Variants in LMF1 observed in about 807,000 individuals in gnomAD.
The protein encoded by LMF1 is lipase maturation factor 1, also known as transmembrane protein 112.
In LMF1, 68 loss-of-function variants were observed where a neutral mutation model predicts 60.6. The observed-to-expected ratio is 1.12, with a 90% CI of 0.92 to 1.37. The LOEUF is 1.37. Among genes scored for constraint, LMF1 ranks in the 40% most tolerant of loss-of-function variants. The probability of loss-of-function intolerance (pLI) is 0.00; values close to 1 mark genes in which losing one functional copy is unlikely to be tolerated. For missense variants in LMF1, 948 were observed against 767.2 expected (o/e 1.24, Z -2.78); for synonymous variants, 418 against 324.7 (o/e 1.29, Z -3.09).
At chr16:965,151 G>A (rs996705144) in intron 1 of LMF1, among the ~76,000 whole-genome samples, 2 of 152,224 alleles carry the variant, frequency 1.3e-5, no homozygotes, top group Admixed American at 1.3e-4. Context: ...CCCGTCACTC[G>A]GGATCACAGC....
At chr16:928,656 G>T (rs900386442) in intron 3 of LMF1, among the ~76,000 whole-genome samples, 1 of 151,528 alleles carries the variant, frequency 6.6e-6, no homozygotes, top group African/African-American at 2.4e-5. Context: ...ACCATCAACA[G>T]CCCGGTTCCC....
chr16:866,317 C>G (rs1190430877), intron 10 of LMF1, among the ~76,000 whole-genome samples: 4 of 152,218 alleles, frequency 2.6e-5, no homozygotes, highest in Non-Finnish European at 5.9e-5. Context: ...CCAGTGGACG[C>G]ATTGGGAGTA....
At chr16:977,879 C>G (rs915665040) in intron 1 of LMF1, among the ~76,000 whole-genome samples, 2 of 150,304 alleles carry the variant, frequency 1.3e-5, no homozygotes, top group African/African-American at 2.5e-5. Context: ...CACCCACACC[C>G]TGCACACATA....
Position 930,649 on chromosome 16 carries a change from C to T in LMF1, c.514+3595G>A, listed in dbSNP as rs566980412. On this transcript the variant is annotated intron_variant, in intron 3 of 10. Coordinates refer to ENST00000262301, the MANE Select transcript of LMF1 (RefSeq NM_022773.4). ...GGGGCTGTGCGGACTTCCCGGCCAG[C>T]GGCCGTTTCACTAAGAGCAGCCGTG... Among the ~76,000 whole-genome samples the T allele has an allele frequency of 3.3e-5, 5 of 152,360 alleles. No individual in the cohort carries two copies. In the South Asian group the frequency reaches 6.2e-4, roughly 19 times the overall value.
intron 3 of LMF1, among the ~76,000 whole-genome samples, chr16:921,818 C>T (rs900497125): frequency 1.3e-5 from 2 of 152,064 alleles, no homozygotes; most frequent in African/African-American, 4.8e-5. Context: ...CCAGGCGGTC[C>T]CCGTGCGGGT....
intron 3 of LMF1, among the ~76,000 whole-genome samples, chr16:921,786 C>T (rs545975760): frequency 6.6e-6 from 1 of 152,322 alleles, no homozygotes; most frequent in South Asian, 2.1e-4. Flanking sequence ...GCAGCAAACC[C>T]CGTGAACAGA....
chr16:860,001 G>C (rs560606802), intron 10 of LMF1, among the ~76,000 whole-genome samples: 1 of 152,040 alleles, frequency 6.6e-6, no homozygotes, highest in East Asian at 1.9e-4. Flanking sequence ...GGTGGTTTTT[G>C]CTTCTCTAAT....
Position 871,352 on chromosome 16 carries a change from G to A in LMF1, c.898-11C>T, listed in dbSNP as rs751167943. 1.2e-6 allele frequency: 2 copies of A among 1,611,154 alleles called. No individual in the cohort carries two copies. The highest frequency in any genetic ancestry group is 1.7e-6 in the Non-Finnish European group (2 of 1,179,430). ...GACGATGAGGACGGCCTGTGGAGAC[G>A]CCGCAGCTGAGTCTCGTGCAGGGGC... On this transcript the variant is annotated splice_polypyrimidine_tract_variant and intron_variant, in intron 6 of 10. Coordinates refer to ENST00000262301, the MANE Select transcript of LMF1 (RefSeq NM_022773.4).
At chr16:925,102 G>A (rs1180360672) in intron 3 of LMF1, among the ~76,000 whole-genome samples, 7 of 152,234 alleles carry the variant, frequency 4.6e-5, no homozygotes, top group Non-Finnish European at 8.8e-5. Flanking sequence ...GGGTGGTGAC[G>A]AAACCGCCCT....
At chr16:898,680 C>T (rs927685199) in intron 4 of LMF1, among the ~76,000 whole-genome samples, 11 of 152,352 alleles carry the variant, frequency 7.2e-5, no homozygotes, top group African/African-American at 2.2e-4. Flanking sequence ...AAGAGGAGGG[C>T]AGTTCATCTC....
At chr16:981,346 G>GAGAGAA (rs2073368400), upstream of LMF1, 10 of 221,910 alleles carry the variant, frequency 4.5e-5, no homozygotes, top group African/African-American at 4.2e-4. Flanking sequence ...GAGAGAGAGA[G>GAGAGAA]AGTGTGTGTG....
At chr16:900,319 T>C (rs925055420) in intron 4 of LMF1, 1 of 152,220 alleles carries the variant, frequency 6.6e-6, no homozygotes, top group African/African-American at 2.4e-5. Context: ...CTTTTTCTTC[T>C]TGTGTTAATG....
intron 3 of LMF1, among the ~76,000 whole-genome samples, chr16:914,943 G>A (rs945960931): frequency 5.3e-5 from 8 of 152,218 alleles, no homozygotes; most frequent in Admixed American, 3.9e-4. Context: ...AGTGACTGAC[G>A]CAGAGGGCCA....
intron 5 of LMF1, among the ~76,000 whole-genome samples, chr16:880,095 C>A (rs547176737): frequency 1.0e-3 from 154 of 152,346 alleles, no homozygotes; most frequent in African/African-American, 3.5e-3. Context: ...CTGCTGCCCA[C>A]AGGCGGCCAA....
At chr16:943,501 G>A (rs578012946) in intron 2 of LMF1, among the ~76,000 whole-genome samples, 9 of 151,982 alleles carry the variant, frequency 5.9e-5, no homozygotes, top group Middle Eastern at 3.4e-3. Context: ...CGAGGCGGGC[G>A]GATCACCTGA....
At position 874,715 on chromosome 16, in the gene LMF1, G is replaced by C. The variant is rs1308105272; in HGVS notation, c.898-3374C>G. Among the ~76,000 whole-genome samples the C allele has an allele frequency of 1.3e-5, 2 of 151,984 alleles. No homozygotes were observed. Among genetic ancestry groups the C allele is most frequent in the Non-Finnish European group, 1.5e-5 (1 of 68,000 alleles). On this transcript the variant is annotated intron_variant, in intron 6 of 10. Transcript: ENST00000262301. This position sits in a 1 kb window ranked among gnomAD's most constrained non-coding sequence, Gnocchi z 4.1. ...GCTCAGATGGGAACACACGGAACCA[G>C]GACGGGATCCGGGGAGGCGGCGCTC...
intron 1 of LMF1, among the ~76,000 whole-genome samples, chr16:966,222 G>A (rs1388891904): frequency 1.3e-5 from 2 of 152,176 alleles, no homozygotes; most frequent in Non-Finnish European, 2.9e-5. Flanking sequence ...CAGGCACCAC[G>A]GCTCGTCCAC....
rs1461774069 is a variant in LMF1 at position 871,523 on chromosome 16, T to A, written c.898-182A>T. 8.0e-6 allele frequency: 5 copies of A among 628,710 alleles called. No homozygotes were observed. In the East Asian group the frequency reaches 1.1e-4, roughly 14 times the overall value. 38.9% of individuals were successfully genotyped at this position (628,710 alleles called of 1,614,324 possible). On this transcript the variant is annotated intron_variant, in intron 6 of 10. Transcript: ENST00000262301. ...GTGCCTTCATGGAGGGGACAGCAGA[T>A]GCCTCAGAGGTGCCTTCCGGCAGGT...
At chr16:893,398 A>C in intron 4 of LMF1, 5 of 478,888 alleles carry the variant, frequency 1.0e-5, no homozygotes, top group East Asian at 6.1e-5. Context: ...AAGAGGACAA[A>C]TGCACCACGC....
Sources: allele counts gnomAD v4.1 joint callset (sites outside exome capture counted in the v4.1 genomes callset), GRCh38; gene constraint gnomAD v4.1.1; non-coding constraint Gnocchi (gnomAD v3.1); transcripts MANE v1.5; gene names NCBI Gene and HGNC (gene_info 2026-07-23, HGNC 2026-07-21).